Variants in MAGI2 observed in about 807,000 individuals in gnomAD.
The protein encoded by MAGI2 is membrane associated guanylate kinase, WW and PDZ domain containing 2.
Under a neutral mutation model 133.3 loss-of-function variants are expected in MAGI2, and 35 were observed. The ratio of observed to expected loss-of-function variants is 0.26; its 90% CI spans 0.20 to 0.35. MAGI2 has a LOEUF of 0.35. Ranked by LOEUF, MAGI2 falls within the 10% of genes least tolerant of loss-of-function variation. The pLI is 1.00. For synonymous variants in MAGI2, 729 were observed against 710.6 expected (o/e 1.03, Z -0.41); for missense variants, 1,636 against 1,863.4 (o/e 0.88, Z 2.25).
intron 2 of MAGI2, among the ~76,000 whole-genome samples, chr7:78,633,692 C>T (rs563430545): frequency 1.8e-4 from 22 of 120,394 alleles, no homozygotes; most frequent in Admixed American, 3.3e-4. Context: ...GGCGTCAGAG[C>T]GAGACTCCGT....
chr7:78,127,215 C>A lies in MAGI2; in HGVS notation c.3405G>T (p.Ser1135=). The change falls in exon 19 of 22, where the codon TCG becomes TCT. Residue 1135 remains serine (S), a synonymous_variant. Coordinates refer to ENST00000354212, the MANE Select transcript of MAGI2 (RefSeq NM_012301.4). ...HSPDTRQYPL[S]DYRQPQDFDY... is the part of the protein sequence containing the mutation. ...GAGGTACCTGGGGTTGTCTGTAGTC[C>A]GACAGAGGGTACTGCCTGGTGTCGG... The A allele has an allele frequency of 1.3e-6, 2 of 1,589,346 alleles. No homozygotes were observed. Among genetic ancestry groups the A allele is most frequent in the Non-Finnish European group, 1.7e-6 (2 of 1,168,890 alleles).
At chr7:78,852,421 C>CT (rs1793222017) in intron 2 of MAGI2, among the ~76,000 whole-genome samples, 1 of 151,990 alleles carries the variant, frequency 6.6e-6, no homozygotes, top group East Asian at 1.9e-4. Flanking sequence ...TATGGTGATA[C>CT]TTTTTTGTGT....
chr7:79,202,911 A>C (rs1227296536), intron 1 of MAGI2, among the ~76,000 whole-genome samples: 1 of 151,942 alleles, frequency 6.6e-6, no homozygotes, highest in Non-Finnish European at 1.5e-5. Context: ...TGACTCAAAA[A>C]TCCAACCATC....
At chr7:78,618,949 A>T (rs894483373) in intron 3 of MAGI2, 2 of 139,004 alleles carry the variant, frequency 1.4e-5, no homozygotes, top group East Asian at 4.6e-4. Flanking sequence ...GGTTCTGGTG[A>T]TCTATTACTC....
At chr7:78,708,837 CCAAA>C (rs1398938985) in intron 2 of MAGI2, among the ~76,000 whole-genome samples, 2 of 144,886 alleles carry the variant, frequency 1.4e-5, no homozygotes, top group Admixed American at 7.1e-5. Flanking sequence ...GTCAAGGATT[CCAAA>C]CACTTTGACT....
intron 10 of MAGI2, among the ~76,000 whole-genome samples, chr7:78,235,855 C>A (rs1469805863): frequency 2.0e-5 from 3 of 151,944 alleles, no homozygotes; most frequent in African/African-American, 7.3e-5. Flanking sequence ...GTTTTTTTTA[C>A]ATAGTATGGA....
At chr7:79,059,063 A>G (rs1251178970) in intron 1 of MAGI2, among the ~76,000 whole-genome samples, 1 of 152,100 alleles carries the variant, frequency 6.6e-6, no homozygotes, top group African/African-American at 2.4e-5. Flanking sequence ...AATAATGGGT[A>G]TTAGGTTGGT....
intron 1 of MAGI2, among the ~76,000 whole-genome samples, chr7:79,290,785 T>A (rs769183395): frequency 9.2e-5 from 14 of 152,076 alleles, no homozygotes; most frequent in Non-Finnish European, 2.1e-4. Flanking sequence ...AACTACCAAA[T>A]CCAGAGGAAT....
chr7:78,446,342 TA>T (rs1788139267), intron 6 of MAGI2, among the ~76,000 whole-genome samples: 1 of 152,014 alleles, frequency 6.6e-6, no homozygotes, highest in Admixed American at 6.6e-5. Context: ...TAAACTGGCA[TA>T]AATATGATGT....
At chr7:78,199,192 G>A (rs1057229822) in intron 11 of MAGI2, among the ~76,000 whole-genome samples, 4 of 152,132 alleles carry the variant, frequency 2.6e-5, no homozygotes, top group African/African-American at 9.7e-5. Context: ...TCCATGCCCA[G>A]TAAAGTGGGA....
chr7:78,793,358 G>A (rs146779054), intron 2 of MAGI2, among the ~76,000 whole-genome samples: 7 of 152,220 alleles, frequency 4.6e-5, no homozygotes, highest in East Asian at 1.9e-4. Flanking sequence ...TACAACTTCC[G>A]CAGGGGTTGC....
intron 21 of MAGI2, among the ~76,000 whole-genome samples, chr7:78,032,039 C>T (rs180913134): frequency 8.8e-5 from 12 of 135,926 alleles, no homozygotes; most frequent in African/African-American, 2.5e-4. Context: ...TTTACAATTC[C>T]GGCTGTTTAA....
At chr7:78,714,962 T>C (rs1405052857) in intron 2 of MAGI2, among the ~76,000 whole-genome samples, 1 of 152,204 alleles carries the variant, frequency 6.6e-6, no homozygotes, top group Non-Finnish European at 1.5e-5. Context: ...GCGCTAGAGT[T>C]TTCAATTTAG....
intron 2 of MAGI2, among the ~76,000 whole-genome samples, chr7:78,878,321 T>A (rs1795583855): frequency 6.6e-6 from 1 of 152,240 alleles, no homozygotes; most frequent in Middle Eastern, 3.4e-3. Flanking sequence ...AAATGAGGAG[T>A]CCTGCGTTTT....
Position 79,283,895 on chromosome 7 carries a change from T to A in MAGI2, c.301+169125A>T, listed in dbSNP as rs576862014. Among the ~76,000 whole-genome samples the A allele has an allele frequency of 3.3e-5, 5 of 152,250 alleles. No homozygotes were observed. In the South Asian group the frequency reaches 1.0e-3, roughly 32 times the overall value. ...ATCAGAAGGTGGTCCCATAAGGTTA[T>A]AATACCATATTTTTACTGTATCTTT... is the stretch of plus-strand genomic sequence containing the variant. On this transcript the variant is annotated intron_variant, in intron 1 of 21. Transcript: ENST00000354212.
chr7:78,202,615 G>A lies in MAGI2; in HGVS notation c.2048-1422C>T, dbSNP rs572817266. Among the ~76,000 whole-genome samples, 19 of 145,472 alleles carry A rather than the reference G, an allele frequency of 1.3e-4. No individual in the cohort carries two copies. The East Asian group carries it at 1.4e-3, about 11-fold the overall frequency. ...GGAGAATCGCTGGAACTCGGGAGGC[G>A]GAGAGTGCAGTGAGCCAAGATCCCG... On this transcript the variant is annotated intron_variant, in intron 10 of 21. Transcript: ENST00000354212.
intron 4 of MAGI2, chr7:78,518,300 A>G (rs1199984406): frequency 1.3e-5 from 2 of 152,170 alleles, no homozygotes; most frequent in Admixed American, 1.3e-4. Context: ...TCACTAAGAA[A>G]TATATTTATG....
chr7:78,533,556 G>C (rs189658739), intron 3 of MAGI2, among the ~76,000 whole-genome samples: 1 of 152,120 alleles, frequency 6.6e-6, no homozygotes, highest in Non-Finnish European at 1.5e-5. Flanking sequence ...TATCTGAGAA[G>C]GTACTAGAGC....
chr7:78,530,787 T>G (rs1266450720), intron 3 of MAGI2, among the ~76,000 whole-genome samples: 1 of 152,140 alleles, frequency 6.6e-6, no homozygotes, highest in East Asian at 1.9e-4. Context: ...TTCCTTTCAG[T>G]CTTGCCAAGT....
Sources: gnomAD v4.1 joint callset for allele counts (sites outside exome capture counted in the v4.1 genomes callset) on GRCh38, gnomAD v4.1.1 for gene constraint, MANE v1.5 for transcripts, NCBI Gene and HGNC (gene_info 2026-07-23, HGNC 2026-07-21) for gene names.